NEK1: variants seen among roughly 807,000 people sequenced by gnomAD.
NEK1 encodes the protein serine/threonine-protein kinase Nek1.
A neutral mutation model predicts 182.1 loss-of-function variants in NEK1; 137 were observed. That is an observed-to-expected ratio of 0.75 (90% CI 0.65 to 0.87). NEK1 has a LOEUF of 0.87. Among genes scored for constraint, NEK1 ranks in the 40% least tolerant of loss-of-function variants. The pLI, the probability that NEK1 is intolerant of heterozygous loss-of-function variation, is 0.00. For missense variants in NEK1, 1,391 were observed against 1,494.4 expected, an observed-to-expected ratio of 0.93 and a Z score of 1.14; for synonymous variants, 513 against 492.2, an observed-to-expected ratio of 1.04 and a Z score of -0.56.
chr4:169,609,766 T>G (rs528340997), intron 2 of NEK1, among the ~76,000 whole-genome samples: 1 of 152,168 alleles, frequency 6.6e-6, no homozygotes, highest in Admixed American at 6.5e-5. Flanking sequence ...ACCATACAAA[T>G]GTATTATCTA....
intron 18 of NEK1, among the ~76,000 whole-genome samples, chr4:169,545,071 A>G (rs1427451891): frequency 1.1e-5 from 1 of 94,992 alleles, no homozygotes. Flanking sequence ...TTTTTTTTAT[A>G]CTTTAAGTTT....
At chr4:169,437,613 G>C (rs186152764) in intron 28 of NEK1, among the ~76,000 whole-genome samples, 2 of 152,224 alleles carry the variant, frequency 1.3e-5, no homozygotes, top group African/African-American at 4.8e-5. Context: ...TAGCATCTGT[G>C]AGCCCCGGGC....
chr4:169,421,523 T>C (rs1735487873), intron 31 of NEK1, among the ~76,000 whole-genome samples: 1 of 152,134 alleles, frequency 6.6e-6, no homozygotes, highest in Non-Finnish European at 1.5e-5. Flanking sequence ...ATTTCCCCCA[T>C]GCTATTCTTG....
At chr4:169,549,650 T>C (rs939754794) in intron 18 of NEK1, among the ~76,000 whole-genome samples, 4 of 152,200 alleles carry the variant, frequency 2.6e-5, no homozygotes, top group African/African-American at 7.2e-5. Flanking sequence ...CTTGAACTCC[T>C]GACCTCAGGT....
intron 19 of NEK1, among the ~76,000 whole-genome samples, chr4:169,510,660 T>C (rs556920295): frequency 2.1e-4 from 32 of 152,180 alleles, no homozygotes; most frequent in Non-Finnish European, 4.4e-4. Flanking sequence ...CCTTCAATGG[T>C]TACTATTATC....
rs187803112 is a variant in NEK1, at chr4:169,394,450, T to C, written c.*60A>G. 3.7e-5 allele frequency: 41 copies of C among 1,103,008 alleles called. No individual in the cohort carries two copies. The African/African-American group carries it at 5.7e-4, about 15-fold the overall frequency. 68.3% of individuals were successfully genotyped at this position (1,103,008 alleles called of 1,614,324 possible). A position where few individuals can be genotyped will look rare whatever the true frequency, so the allele number is the denominator to read the frequency against. Reference sequence around the variant, plus strand: ...CTGTATTTCCCACTGAAGCTTGTTATTCTGATAAGCCAAATTCAAATGCTT... The same window carrying C: ...CTGTATTTCCCACTGAAGCTTGTTACTCTGATAAGCCAAATTCAAATGCTT... On this transcript the variant is annotated 3_prime_UTR_variant, in exon 36 of 36. Transcript: ENST00000507142.
rs544078799 is a variant in NEK1, at chr4:169,532,024, A to G, written c.1665+5785T>C. On this transcript the variant is annotated intron_variant, in intron 19 of 35. Coordinates refer to ENST00000507142, the MANE Select transcript of NEK1 (RefSeq NM_001199397.3). ...TATACTGTATGATTCATAATTTTAT[A>G]TTAAATTCTAGAGAGGACAAAACTA... Among the ~76,000 whole-genome samples, 508 of 152,332 alleles carry G rather than the reference A, an allele frequency of 3.3e-3. 2 individuals carry two copies. Among genetic ancestry groups the G allele is most frequent in the Non-Finnish European group, 5.5e-3 (371 of 68,022 alleles).
intron 12 of NEK1, among the ~76,000 whole-genome samples, chr4:169,568,819 C>T (rs530714576): frequency 1.3e-5 from 2 of 151,928 alleles, no homozygotes; most frequent in African/African-American, 4.8e-5. Flanking sequence ...TGCCTGTAAT[C>T]CCAGCTACTC....
chr4:169,427,024 T>C (rs912234598), intron 29 of NEK1, among the ~76,000 whole-genome samples: 1 of 152,182 alleles, frequency 6.6e-6, no homozygotes, highest in African/African-American at 2.4e-5. Context: ...TGGAAGAATA[T>C]ATTCCAAAAG....
chr4:169,567,932 C>T (rs917578842), intron 12 of NEK1, among the ~76,000 whole-genome samples: 1 of 152,154 alleles, frequency 6.6e-6, no homozygotes, highest in Admixed American at 6.5e-5. Flanking sequence ...CCAAAGCATG[C>T]TGCTTTTATA....
intron 2 of NEK1, among the ~76,000 whole-genome samples, chr4:169,607,473 T>A: frequency 6.6e-6 from 1 of 152,076 alleles, no homozygotes; most frequent in East Asian, 1.9e-4. Flanking sequence ...AATTTTTAAT[T>A]TTTTTTTGAG....
At chr4:169,563,920 C>G (rs564800362) in intron 12 of NEK1, among the ~76,000 whole-genome samples, 2 of 152,272 alleles carry the variant, frequency 1.3e-5, no homozygotes, top group African/African-American at 4.8e-5. Context: ...CCCTGTATTG[C>G]TGTAATAAAT....
intron 27 of NEK1, among the ~76,000 whole-genome samples, chr4:169,460,384 C>A (rs983090998): frequency 4.0e-5 from 6 of 151,362 alleles, no homozygotes; most frequent in Non-Finnish European, 7.4e-5. Context: ...TTTTTAAAAA[C>A]CATCAGATCT....
intron 19 of NEK1, among the ~76,000 whole-genome samples, chr4:169,523,746 GTTA>G (rs1476782147): frequency 1.3e-5 from 2 of 152,244 alleles, no homozygotes; most frequent in Admixed American, 1.3e-4. Flanking sequence ...TCAATAAATA[GTTA>G]TTATTACTTA....
At chr4:169,420,824 G>C (rs556602416) in intron 31 of NEK1, among the ~76,000 whole-genome samples, 54 of 152,180 alleles carry the variant, frequency 3.5e-4, no homozygotes, top group African/African-American at 1.2e-3. Context: ...TGATCAAATA[G>C]AAAACAAATA....
At chr4:169,434,502 C>T (rs1271323178) in intron 28 of NEK1, among the ~76,000 whole-genome samples, 2 of 152,174 alleles carry the variant, frequency 1.3e-5, no homozygotes, top group Non-Finnish European at 2.9e-5. Context: ...CGTGAGCCAC[C>T]ACGCCTGGCC....
chr4:169,538,051 C>CTA (rs753301007), intron 18 of NEK1, 140 bp from the exon 19 acceptor site: 11 of 548,866 alleles, frequency 2.0e-5, no homozygotes, highest in African/African-American at 3.8e-5. Flanking sequence ...GAAGAAATCA[C>CTA]TATATATATA....
chr4:169,556,560 A>C (rs1445894299), intron 16 of NEK1, among the ~76,000 whole-genome samples: 2 of 152,166 alleles, frequency 1.3e-5, no homozygotes, highest in African/African-American at 4.8e-5. Context: ...TGAAGGTATA[A>C]ACATTATTAA....
At chr4:169,603,082 T>C (rs998212233) in intron 2 of NEK1, among the ~76,000 whole-genome samples, 5 of 152,198 alleles carry the variant, frequency 3.3e-5, no homozygotes, top group African/African-American at 9.6e-5. Context: ...TTTGCTAGTA[T>C]AGAACAATTT....
Sources: gnomAD v4.1 joint callset for allele counts (sites outside exome capture counted in the v4.1 genomes callset) on GRCh38, gnomAD v4.1.1 for gene constraint, MANE v1.5 for transcripts, NCBI Gene and HGNC (gene_info 2026-07-23, HGNC 2026-07-21) for gene names.